TSPAN18: variants seen among roughly 807,000 people sequenced by gnomAD.
TSPAN18 encodes the protein tetraspanin 18.
TSPAN18 carries 14 observed loss-of-function variants against 27.3 expected under a neutral mutation model. The observed-to-expected ratio is 0.51, with a 90% CI of 0.34 to 0.80. The LOEUF (loss-of-function observed/expected upper bound fraction) is 0.80. TSPAN18 is among the 30% of genes least tolerant of loss of function. The probability of loss-of-function intolerance (pLI) is 0.01; values close to 1 mark genes in which losing one functional copy is unlikely to be tolerated. For missense variants in TSPAN18, 268 were observed against 323.9 expected (o/e 0.83, Z 1.32); for synonymous variants, 143 against 136.5 (o/e 1.05, Z -0.33).
At chr11:44,868,798 A>C (rs573999975) in intron 3 of TSPAN18, among the ~76,000 whole-genome samples, 1 of 152,366 alleles carries the variant, frequency 6.6e-6, no homozygotes, top group Non-Finnish European at 1.5e-5. Context: ...AAAGTGAGGC[A>C]GGTCTGAAAT....
chr11:44,919,657 G>A, intron 7 of TSPAN18, 160 bp from the exon 8 acceptor site: 1 of 732,662 alleles, frequency 1.4e-6, no homozygotes, highest in Non-Finnish European at 2.4e-6. Flanking sequence ...GCCCAGAGAA[G>A]CTGAGTGGCT....
chr11:44,862,324 A>C (rs1464893850), intron 3 of TSPAN18, among the ~76,000 whole-genome samples: 2 of 152,134 alleles, frequency 1.3e-5, no homozygotes, highest in Non-Finnish European at 1.5e-5. Context: ...AAATACCGAA[A>C]ACCACAGCTT....
At chr11:44,811,553 G>T (rs1403453978) in intron 2 of TSPAN18, among the ~76,000 whole-genome samples, 1 of 151,722 alleles carries the variant, frequency 6.6e-6, no homozygotes, top group Non-Finnish European at 1.5e-5. Flanking sequence ...TCCACTTCCT[G>T]GGTTCAAGTG....
chr11:44,898,687 T>C (rs1859152132), intron 3 of TSPAN18, among the ~76,000 whole-genome samples: 2 of 152,236 alleles, frequency 1.3e-5, no homozygotes. Flanking sequence ...GGGCTGAGAA[T>C]GCCAAAGTGG....
rs3051416 is a variant in TSPAN18, at chr11:44,908,770, A to AAAGGAAAG, written c.64-935_64-934insAAGGAAAG. On this transcript the variant is annotated intron_variant, in intron 4 of 9. Transcript: ENST00000520358. ...AGAGAGAGAGAGAGAGAGAGAAAGG[A>AAAGGAAAG]GAAAGAAAGAAAGAAAGAAAGAAAG... is the stretch of plus-strand genomic sequence containing the variant. 7.7e-4 allele frequency among the ~76,000 whole-genome samples: 15 copies of AAAGGAAAG among 19,498 alleles called. 1 individual carries two copies. The highest frequency in any genetic ancestry group is 4.4e-3 in the South Asian group (3 of 676). The allele number at this position is 19,498 out of a possible 152,430, so 12.8% of individuals were successfully genotyped here. A position where few individuals can be genotyped will look rare whatever the true frequency, so the allele number is the denominator to read the frequency against.
chr11:44,896,720 A>G (rs1257173957), intron 3 of TSPAN18, among the ~76,000 whole-genome samples: 1 of 151,932 alleles, frequency 6.6e-6, no homozygotes, highest in East Asian at 1.9e-4. Context: ...CGGTGGAGTT[A>G]GTCCTCCCCA....
chr11:44,817,458 C>T (rs1281373703), intron 2 of TSPAN18, among the ~76,000 whole-genome samples: 1 of 152,232 alleles, frequency 6.6e-6, no homozygotes, highest in Non-Finnish European at 1.5e-5. Context: ...GTCTCTCTTC[C>T]TCCTTGGGCC....
At chr11:44,901,845 C>T (rs1221105704) in intron 3 of TSPAN18, among the ~76,000 whole-genome samples, 2 of 152,220 alleles carry the variant, frequency 1.3e-5, no homozygotes, top group African/African-American at 4.8e-5. Context: ...TACTTGACCC[C>T]TCTGAGCTTC....
chr11:44,835,853 G>T (rs1046656957), intron 2 of TSPAN18, among the ~76,000 whole-genome samples: 2 of 152,122 alleles, frequency 1.3e-5, no homozygotes, highest in Non-Finnish European at 2.9e-5. Context: ...TATGTCTGTT[G>T]TTGTGATCTG....
intron 2 of TSPAN18, among the ~76,000 whole-genome samples, chr11:44,783,467 C>T (rs1490310272): frequency 6.6e-6 from 1 of 150,506 alleles, no homozygotes; most frequent in African/African-American, 2.5e-5. Context: ...GGTGTGATCT[C>T]GGCTCACTGC....
chr11:44,861,994 G>C (rs565844444), intron 3 of TSPAN18, among the ~76,000 whole-genome samples: 89 of 152,188 alleles, frequency 5.8e-4, no homozygotes, highest in African/African-American at 2.1e-3. Flanking sequence ...TCCACTCGCC[G>C]GGAAGGCCTG....
intron 1 of TSPAN18, among the ~76,000 whole-genome samples, chr11:44,755,874 A>C (rs569612248): frequency 2.0e-5 from 3 of 152,112 alleles, no homozygotes; most frequent in African/African-American, 7.2e-5. Flanking sequence ...TATTTCTCCT[A>C]GGAGCCAGGA....
At chr11:44,865,815 AC>A (rs1434753670) in intron 3 of TSPAN18, among the ~76,000 whole-genome samples, 2 of 152,232 alleles carry the variant, frequency 1.3e-5, no homozygotes, top group Non-Finnish European at 2.9e-5. Flanking sequence ...TGGAGCAGGA[AC>A]AGGAGCAGGA....
intron 2 of TSPAN18, among the ~76,000 whole-genome samples, chr11:44,775,422 C>T (rs1338991816): frequency 6.6e-6 from 1 of 152,212 alleles, no homozygotes; most frequent in Non-Finnish European, 1.5e-5. Context: ...TTGTTGGGAA[C>T]ACTCTTCCTA....
chr11:44,837,000 T>C (rs1230057082), intron 2 of TSPAN18, among the ~76,000 whole-genome samples: 1 of 152,228 alleles, frequency 6.6e-6, no homozygotes, highest in Non-Finnish European at 1.5e-5. Flanking sequence ...TCATGTTGTT[T>C]TCCTGCCTGC....
chr11:44,828,450 G>A lies in TSPAN18; in HGVS notation c.-152-31878G>A, dbSNP rs190509268. ...GTTTCCTTACCTATAGGAGGATGAA[G>A]GGGTGCTCAGGGCCTTTGCAGGGCT... On this transcript the variant is annotated intron_variant, in intron 2 of 9. Transcript: ENST00000520358. Among the ~76,000 whole-genome samples the A allele has an allele frequency of 2.4e-4, 37 of 152,302 alleles. No individual in the cohort carries two copies. The East Asian group carries it at 6.6e-3, about 27-fold the overall frequency.
intron 2 of TSPAN18, among the ~76,000 whole-genome samples, chr11:44,828,997 G>A (rs914042343): frequency 6.6e-6 from 1 of 151,986 alleles, no homozygotes; most frequent in Non-Finnish European, 1.5e-5. Context: ...CTATAACCCA[G>A]TTTTAAAAAC....
At chr11:44,814,490 A>G (rs1414065687) in intron 2 of TSPAN18, among the ~76,000 whole-genome samples, 1 of 152,228 alleles carries the variant, frequency 6.6e-6, no homozygotes, top group Admixed American at 6.5e-5. Context: ...GACTAGTCCC[A>G]GTGCCTCATT....
At chr11:44,776,054 G>A (rs1855799283) in intron 2 of TSPAN18, among the ~76,000 whole-genome samples, 1 of 152,210 alleles carries the variant, frequency 6.6e-6, no homozygotes, top group Non-Finnish European at 1.5e-5. Flanking sequence ...TGCTGGCAGA[G>A]GATCCTGTGG....
Sources: allele counts gnomAD v4.1 joint callset (sites outside exome capture counted in the v4.1 genomes callset), GRCh38; gene constraint gnomAD v4.1.1; transcripts MANE v1.5; gene names NCBI Gene and HGNC (gene_info 2026-07-23, HGNC 2026-07-21).